Variants in C2CD2L observed in about 807,000 individuals in gnomAD.
C2CD2L encodes phospholipid transfer protein C2CD2L.
In C2CD2L, 24 loss-of-function variants were observed where a neutral mutation model predicts 69.9. The observed-to-expected ratio is 0.34, with a 90% CI of 0.25 to 0.48. The LOEUF (loss-of-function observed/expected upper bound fraction) is 0.48. C2CD2L is among the 20% of genes least tolerant of loss of function. The pLI is 0.99. For missense variants in C2CD2L, 811 were observed against 941.5 expected (o/e 0.86, Z 1.81); for synonymous variants, 367 against 391.0 (o/e 0.94, Z 0.72).
Position 119,114,414 on chromosome 11 carries a change from A to G in C2CD2L, c.1909+49A>G. On this transcript the variant is annotated intron_variant, in intron 13 of 13. Coordinates refer to ENST00000648610, the MANE Select transcript of C2CD2L (RefSeq NM_001290474.2). The surrounding 1 kb of genome is among the most constrained non-coding windows in gnomAD (Gnocchi z 5.1). ...CCCTCATCTCTTCTTTTATACACAT[A>G]TCATGACCTGGGGGACCTCGAGCCA... The G allele has an allele frequency of 6.3e-7, 1 of 1,576,612 alleles. No individual in the cohort carries two copies. The highest frequency in any genetic ancestry group is 8.7e-7 in the Non-Finnish European group (1 of 1,153,370).
At position 119,118,529 on chromosome 11, in the gene C2CD2L, G is replaced by A. The variant is rs1358884331; in HGVS notation, c.*2273G>A. On this transcript the variant is annotated 3_prime_UTR_variant, in exon 14 of 14. Transcript: ENST00000648610. ...ACAGCTTGGAATTTAATTTATTAAAGTCAAGTTGGAGTTTATAAACTGCAT... is the reference window on the plus strand; with the variant it reads ...ACAGCTTGGAATTTAATTTATTAAAATCAAGTTGGAGTTTATAAACTGCAT... 6.6e-6 allele frequency: 1 copy of A among 152,408 alleles called. No homozygotes were observed. Among genetic ancestry groups the A allele is most frequent in the Non-Finnish European group, 1.5e-5 (1 of 68,038 alleles). 9.4% of individuals were successfully genotyped at this position (152,408 alleles called of 1,614,324 possible). A position where few individuals can be genotyped will look rare whatever the true frequency, so the allele number is the denominator to read the frequency against.
In C2CD2L at chr11:119,109,209, C is replaced by T. The variant is rs1348756242; in HGVS notation, c.355-895C>T. Among the ~76,000 whole-genome samples the T allele has an allele frequency of 1.3e-5, 2 of 152,206 alleles. No homozygotes were observed. The highest frequency in any genetic ancestry group is 4.8e-5 in the African/African-American group (2 of 41,452). ...CCTTTGAATGAGACAGCTACCAGAGCAAAGGAGTTGGCTTCCCCTGGTTTG... is the reference window on the plus strand; with the variant it reads ...CCTTTGAATGAGACAGCTACCAGAGTAAAGGAGTTGGCTTCCCCTGGTTTG... On this transcript the variant is annotated intron_variant, in intron 1 of 13. Coordinates refer to ENST00000648610, the MANE Select transcript of C2CD2L (RefSeq NM_001290474.2). This position sits in a 1 kb window ranked among gnomAD's most constrained non-coding sequence, Gnocchi z 5.1.
At position 119,117,739 on chromosome 11, in the gene C2CD2L, A is replaced by G. The variant is rs1946927874; in HGVS notation, c.*1483A>G. The G allele has an allele frequency of 6.6e-6, 1 of 152,222 alleles. No individual in the cohort carries two copies. The highest frequency in any genetic ancestry group is 1.5e-5 in the Non-Finnish European group (1 of 68,040). The allele number at this position is 152,222 out of a possible 1,614,324, so 9.4% of individuals were successfully genotyped here. ...CCCTGGTTCCCGTGCTTGAGATCTT[A>G]TACAGGACTTGAACCAGGTAAGCTG... On this transcript the variant is annotated 3_prime_UTR_variant, in exon 14 of 14. Transcript: ENST00000648610.
Position 119,116,089 on chromosome 11 carries a change from C to T in C2CD2L, c.1954C>T (p.Pro652Ser). 6.2e-7 allele frequency: 1 copy of T among 1,614,136 alleles called. No homozygotes were observed. The highest frequency in any genetic ancestry group is 8.5e-7 in the Non-Finnish European group (1 of 1,180,030). ...CACTAAGCTCATCTTCCGCCGGAGG[C>T]CTAGGCAGAAGGAAGCTGGCCTGAG... is the stretch of plus-strand genomic sequence containing the variant. ...SGTKLIFRRRPRQKEAGLSQS... is the reference protein window; with the variant it reads ...SGTKLIFRRRSRQKEAGLSQS... Residue 652 changes from proline to serine, a missense_variant, in exon 14 of 14, where the codon CCT becomes TCT. Pro to Ser is a moderately conservative substitution (Grantham distance 74). Coordinates refer to ENST00000648610, the MANE Select transcript of C2CD2L (RefSeq NM_001290474.2).
chr11:119,111,083 T>C lies in C2CD2L; in HGVS notation c.713T>C (p.Ile238Thr), dbSNP rs760467431. 6 of 1,613,976 alleles carry C rather than the reference T, an allele frequency of 3.7e-6. No individual in the cohort carries two copies. The highest frequency in any genetic ancestry group is 5.1e-6 in the Non-Finnish European group (6 of 1,180,012). The change falls in exon 5 of 14, where the codon ATT becomes ACT. Residue 238 changes from isoleucine (I) to threonine (T), a missense_variant. Physicochemically the swap from Ile to Thr is moderately conservative, Grantham distance 89. Transcript: ENST00000648610. ...RGEEQVELST[I>T]EELIKDAIVS... Reference sequence around the variant, plus strand: ...GAAGAACAAGTGGAGCTCTCCACAATTGAGGAACTGATCAAGGATGCCATA... The same window carrying C: ...GAAGAACAAGTGGAGCTCTCCACAACTGAGGAACTGATCAAGGATGCCATA...
chr11:119,104,398 G>A (rs182504745), upstream of C2CD2L, among the ~76,000 whole-genome samples: 5 of 152,150 alleles, frequency 3.3e-5, no homozygotes, highest in East Asian at 9.7e-4. Context: ...TCCTGGGGAG[G>A]GTGGAAGGAT....
upstream of C2CD2L, among the ~76,000 whole-genome samples, chr11:119,103,088 C>G (rs952233290): frequency 8.6e-5 from 13 of 151,932 alleles, no homozygotes; most frequent in Non-Finnish European, 1.8e-4. Context: ...ACGGGATTTC[C>G]CTATGTTGGT....
In C2CD2L at chr11:119,107,805, T is replaced by C; in HGVS notation, c.64T>C (p.Ser22Pro). 1 of 1,550,712 alleles carries C rather than the reference T, an allele frequency of 6.4e-7. No individual in the cohort carries two copies. The highest frequency in any genetic ancestry group is 2.6e-5 in the East Asian group (1 of 38,792). ...WAALLILFAA[S>P]LLTVFAWLLQ... ...GGCCTTGCTGATCCTCTTCGCCGCCTCGCTGCTCACGGTGTTCGCCTGGCT... is the reference window on the plus strand; with the variant it reads ...GGCCTTGCTGATCCTCTTCGCCGCCCCGCTGCTCACGGTGTTCGCCTGGCT... The change falls in exon 1 of 14, where the codon TCG becomes CCG. Residue 22 changes from serine to proline, a missense_variant. Transcript: ENST00000648610. This position sits in a 1 kb window ranked among gnomAD's most constrained non-coding sequence, Gnocchi z 5.4.
rs2134935654 is a variant in C2CD2L at position 119,107,806 on chromosome 11, C to G, written c.65C>G (p.Ser22Trp). 1 of 1,550,494 alleles carries G rather than the reference C, an allele frequency of 6.4e-7. No homozygotes were observed. The highest frequency in any genetic ancestry group is 8.6e-7 in the Non-Finnish European group (1 of 1,160,472). The change falls in exon 1 of 14, where the codon TCG (serine) becomes TGG (tryptophan). Residue 22 changes from serine (S) to tryptophan (W), a missense_variant. Transcript: ENST00000648610. This position sits in a 1 kb window ranked among gnomAD's most constrained non-coding sequence, Gnocchi z 5.4. ...GCCTTGCTGATCCTCTTCGCCGCCT[C>G]GCTGCTCACGGTGTTCGCCTGGCTG... ...WAALLILFAA[S>W]LLTVFAWLLQ...
chr11:119,103,161 G>A (rs889611295), upstream of C2CD2L, among the ~76,000 whole-genome samples: 4 of 151,984 alleles, frequency 2.6e-5, no homozygotes, highest in African/African-American at 9.7e-5. Flanking sequence ...AAAATGCTGG[G>A]AGTACAGGCG....
Position 119,114,425 on chromosome 11 carries a change from G to A in C2CD2L, c.1909+60G>A. 6.5e-7 allele frequency: 1 copy of A among 1,545,304 alleles called. No individual in the cohort carries two copies. The highest frequency in any genetic ancestry group is 8.8e-7 in the Non-Finnish European group (1 of 1,131,994). ...TCTTTTATACACATATCATGACCTG[G>A]GGGACCTCGAGCCAGTGTGCCTTCT... On this transcript the variant is annotated intron_variant, in intron 13 of 13. Transcript: ENST00000648610. The surrounding 1 kb of genome is among the most constrained non-coding windows in gnomAD (Gnocchi z 5.1).
Position 119,113,606 on chromosome 11 carries a change from AC to A in C2CD2L, c.1388-3del. ...CCAGCTCACTGACCCTCCCCCACCC[AC>A]CAGACTCCCCCTCCCGCTCCCCGTC... On this transcript the variant is annotated splice_region_variant and splice_polypyrimidine_tract_variant and intron_variant, in intron 10 of 13. Transcript: ENST00000648610. The A allele has an allele frequency of 6.5e-7, 1 of 1,540,732 alleles. No individual in the cohort carries two copies. The highest frequency in any genetic ancestry group is 1.9e-4 in the Middle Eastern group (1 of 5,358).
At position 119,107,434 on chromosome 11, in the gene C2CD2L, A is replaced by T; in HGVS notation, c.-308A>T. The stretch of plus-strand genomic sequence containing the variant: ...GCGTCTCTGCAGACCAGTCCCCTCC[A>T]GGGTCCGGCGGGGCCCGCGCGGTGG... On this transcript the variant is annotated 5_prime_UTR_variant, in exon 1 of 14. Transcript: ENST00000648610. The surrounding 1 kb of genome is among the most constrained non-coding windows in gnomAD (Gnocchi z 5.4). 3.8e-6 allele frequency: 1 copy of T among 259,986 alleles called. No homozygotes were observed. Among genetic ancestry groups the T allele is most frequent in the Non-Finnish European group, 7.2e-6 (1 of 138,366 alleles). 16.1% of individuals were successfully genotyped at this position (259,986 alleles called of 1,614,324 possible).
chr11:119,107,913 G>C lies in C2CD2L; in HGVS notation c.172G>C (p.Gly58Arg), dbSNP rs1237898591. 6.5e-7 allele frequency: 1 copy of C among 1,531,328 alleles called. No homozygotes were observed. Among genetic ancestry groups the C allele is most frequent in the Non-Finnish European group, 8.7e-7 (1 of 1,145,250 alleles). 94.9% of individuals were successfully genotyped at this position (1,531,328 alleles called of 1,614,324 possible). A position where few individuals can be genotyped will look rare whatever the true frequency, so the allele number is the denominator to read the frequency against. The change falls in exon 1 of 14, where the codon GGT becomes CGT. Residue 58 changes from glycine (G) to arginine (R), a missense_variant. Coordinates refer to ENST00000648610, the MANE Select transcript of C2CD2L (RefSeq NM_001290474.2). The surrounding 1 kb of genome is among the most constrained non-coding windows in gnomAD (Gnocchi z 5.4). ...PGPALAGEPA[G>R]SLRELGVWRS... Reference sequence around the variant, plus strand: ...ACCCGCCTTAGCCGGGGAACCCGCGGGTTCCCTGCGGGAGCTGGGCGTGTG... The same window carrying C: ...ACCCGCCTTAGCCGGGGAACCCGCGCGTTCCCTGCGGGAGCTGGGCGTGTG...
upstream of C2CD2L, chr11:119,102,294 G>A: frequency 2.1e-6 from 1 of 473,124 alleles, no homozygotes; most frequent in Middle Eastern, 3.2e-4. Flanking sequence ...TTGAAAGGCA[G>A]GGGGTGGGGA....
At position 119,116,436 on chromosome 11, in the gene C2CD2L, G is replaced by A; in HGVS notation, c.*180G>A. ...TTGGAACGGGAAGCACATGAGAGGTGGGCACCCGGTGCCGAGGACATGGAC... is the reference window on the plus strand; with the variant it reads ...TTGGAACGGGAAGCACATGAGAGGTAGGCACCCGGTGCCGAGGACATGGAC... On this transcript the variant is annotated 3_prime_UTR_variant, in exon 14 of 14. Transcript: ENST00000648610. 1.6e-6 allele frequency: 1 copy of A among 610,148 alleles called. No individual in the cohort carries two copies. Among genetic ancestry groups the A allele is most frequent in the East Asian group, 2.8e-5 (1 of 36,326 alleles). 37.8% of individuals were successfully genotyped at this position (610,148 alleles called of 1,614,324 possible).
chr11:119,110,528 TC>T lies in C2CD2L; in HGVS notation c.451-28del, dbSNP rs1946706128. On this transcript the variant is annotated intron_variant, in intron 2 of 13. Coordinates refer to ENST00000648610, the MANE Select transcript of C2CD2L (RefSeq NM_001290474.2). The surrounding 1 kb of genome is among the most constrained non-coding windows in gnomAD (Gnocchi z 5.7). ...CAGTTCAAAGCAGGGTGAGCACCCT[TC>T]CCCCACATCTGACCCACCTCGCCGG... is the stretch of plus-strand genomic sequence containing the variant. 2.5e-6 allele frequency: 4 copies of T among 1,597,136 alleles called. No individual in the cohort carries two copies. The highest frequency in any genetic ancestry group is 2.7e-5 in the African/African-American group (2 of 74,682).
chr11:119,111,404 CA>C (rs766640522), intron 6 of C2CD2L, 30 bp downstream of exon 6: 1 of 1,606,790 alleles, frequency 6.2e-7, no homozygotes, highest in Admixed American at 1.7e-5. Flanking sequence ...GCGGGACTGC[CA>C]AGGCTATGGT....
At chr11:119,112,297 C>T (rs1462714644) in intron 7 of C2CD2L, 31 bp from the exon 8 acceptor site, 1 of 1,598,934 alleles carries the variant, frequency 6.3e-7, no homozygotes, top group Non-Finnish European at 8.5e-7. Context: ...CTAATTTTCT[C>T]CTTCCTGCCC....
Sources: allele counts gnomAD v4.1 joint callset (sites outside exome capture counted in the v4.1 genomes callset), GRCh38; gene constraint gnomAD v4.1.1; non-coding constraint Gnocchi (gnomAD v3.1); transcripts MANE v1.5; gene names NCBI Gene and HGNC (gene_info 2026-07-23, HGNC 2026-07-21).